The following TMEM131L variants were observed in gnomAD, a reference collection of about 807,000 sequenced individuals.
The protein encoded by TMEM131L is transmembrane 131 like.
In TMEM131L, 54 loss-of-function variants were observed where a neutral mutation model predicts 192.2. The ratio of observed to expected loss-of-function variants is 0.28; its 90% confidence interval spans 0.23 to 0.35. The LOEUF (loss-of-function observed/expected upper bound fraction) is 0.35, where lower values mean the gene tolerates loss of function less well. Ranked by LOEUF, TMEM131L falls within the 10% of genes least tolerant of loss-of-function variation. The pLI is 1.00. For missense variants in TMEM131L, 1,888 were observed against 1,972.9 expected (o/e 0.96, Z 0.82); for synonymous variants, 701 against 704.9 (o/e 0.99, Z 0.09).
At chr4:153,588,509 C>T (rs764691013) in intron 15 of TMEM131L, among the ~76,000 whole-genome samples, 4 of 150,814 alleles carry the variant, frequency 2.7e-5, no homozygotes, top group South Asian at 2.1e-4. Context: ...TGTTTTCCCT[C>T]GGCACTCTAG....
intron 3 of TMEM131L, among the ~76,000 whole-genome samples, chr4:153,529,528 A>G (rs191430551): frequency 1.5e-3 from 227 of 152,362 alleles, no homozygotes; most frequent in African/African-American, 4.7e-3. Flanking sequence ...GTGGATTGAA[A>G]GAGTTGAAAA....
At chr4:153,560,690 A>G (rs1051995170) in intron 7 of TMEM131L, among the ~76,000 whole-genome samples, 1 of 152,210 alleles carries the variant, frequency 6.6e-6, no homozygotes, top group African/African-American at 2.4e-5. Context: ...TGTGATTGGC[A>G]TCTTTCCCTT....
intron 25 of TMEM131L, among the ~76,000 whole-genome samples, chr4:153,606,463 A>G (rs10517575): frequency 0.051 from 7,725 of 152,330 alleles, 281 homozygotes; most frequent in Non-Finnish European, 0.078. Context: ...ATATAAAGGC[A>G]TGGATGAGAA....
In TMEM131L at chr4:153,626,167, G is replaced by T; in HGVS notation, c.4066G>T (p.Asp1356Tyr). Residue 1356 changes from aspartate (D) to tyrosine (Y), a missense_variant, in exon 30 of 35, where the codon GAT becomes TAT. Asp to Tyr is a radical substitution (Grantham distance 160). Coordinates refer to ENST00000409959, the MANE Select transcript of TMEM131L (RefSeq NM_001131007.2). The stretch of plus-strand genomic sequence containing the variant: ...TGCAGGAGACAGTGTTTCACAAAAT[G>T]ATTTTCCTTCTGAAGCTCCCATCTC... ...LPAGDSVSQN[D>Y]FPSEAPISLN... is the part of the protein sequence containing the mutation. 1.9e-6 allele frequency: 3 copies of T among 1,611,566 alleles called. No homozygotes were observed. Among genetic ancestry groups the T allele is most frequent in the Non-Finnish European group, 2.5e-6 (3 of 1,177,972 alleles).
Position 153,596,258 on chromosome 4 carries a change from G to C in TMEM131L, c.1996G>C (p.Gly666Arg). The change falls in exon 20 of 35, where the codon GGT becomes CGT. Residue 666 changes from glycine (G) to arginine (R), a missense_variant and splice_region_variant. Coordinates refer to ENST00000409959, the MANE Select transcript of TMEM131L (RefSeq NM_001131007.2). Reference protein sequence around the residue: ...FQLTEACPYLGTHSEESRFGI... With the variant: ...FQLTEACPYLRTHSEESRFGI... ...CATGGTTTAATTTGTTAATTTGCAG[G>C]GTACGCATTCTGAGGAATCCAGGTT... 6.2e-7 allele frequency: 1 copy of C among 1,613,538 alleles called. No homozygotes were observed. The highest frequency in any genetic ancestry group is 8.5e-7 in the Non-Finnish European group (1 of 1,179,652).
In TMEM131L at chr4:153,581,540, C is replaced by T. The variant is rs188378248; in HGVS notation, c.872C>T (p.Thr291Ile). 8.9e-6 allele frequency: 14 copies of T among 1,570,238 alleles called. No homozygotes were observed. In the African/African-American group the frequency reaches 1.2e-4, roughly 14 times the overall value. Residue 291 changes from threonine (T) to isoleucine (I), a missense_variant, in exon 9 of 35, where the codon ACA becomes ATA. Coordinates refer to ENST00000409959, the MANE Select transcript of TMEM131L (RefSeq NM_001131007.2). The part of the protein sequence containing the change: ...LDHLSIVYVA[T>I]DESETSDDSA... Reference sequence around the variant, plus strand: ...CATCTCTCTATTGTTTACGTAGCTACAGATGAATCTGAGACCTCAGGTAAG... The same window carrying T: ...CATCTCTCTATTGTTTACGTAGCTATAGATGAATCTGAGACCTCAGGTAAG...
intron 7 of TMEM131L, among the ~76,000 whole-genome samples, chr4:153,577,210 G>T (rs764143187): frequency 6.6e-6 from 1 of 152,154 alleles, no homozygotes; most frequent in Admixed American, 6.5e-5. Context: ...TGGAGCATGC[G>T]CAGGGAGGTC....
At chr4:153,602,808 G>A (rs1008923629) in intron 23 of TMEM131L, 81 bp downstream of exon 23, 11 of 1,234,798 alleles carry the variant, frequency 8.9e-6, no homozygotes, top group South Asian at 2.7e-5. Flanking sequence ...TGAACTGCCC[G>A]AGTGTAGTCA....
chr4:153,527,997 C>G (rs1455553595), intron 3 of TMEM131L, among the ~76,000 whole-genome samples: 1 of 152,164 alleles, frequency 6.6e-6, no homozygotes. Context: ...GCAGCCATAC[C>G]ATTAACTGAG....
At chr4:153,593,196 A>G (rs1347707314) in intron 18 of TMEM131L, among the ~76,000 whole-genome samples, 1 of 152,188 alleles carries the variant, frequency 6.6e-6, no homozygotes, top group Non-Finnish European at 1.5e-5. Flanking sequence ...TCACACAATC[A>G]CAGTTTTACT....
intron 9 of TMEM131L, among the ~76,000 whole-genome samples, chr4:153,582,135 TAGTA>T (rs1730377458): frequency 6.6e-6 from 1 of 152,236 alleles, no homozygotes; most frequent in Non-Finnish European, 1.5e-5. Flanking sequence ...TAGAGTATAC[TAGTA>T]TCTTTTGGTT....
chr4:153,561,690 TTC>T (rs1257184374), intron 7 of TMEM131L, among the ~76,000 whole-genome samples: 1 of 152,210 alleles, frequency 6.6e-6, no homozygotes, highest in Non-Finnish European at 1.5e-5. Flanking sequence ...TGGCTCTAGA[TTC>T]TCTCCTTCAT....
intron 3 of TMEM131L, among the ~76,000 whole-genome samples, chr4:153,497,759 T>C (rs1274976479): frequency 1.3e-5 from 2 of 152,022 alleles, no homozygotes; most frequent in Non-Finnish European, 2.9e-5. Flanking sequence ...CAAGCGTTAA[T>C]GCTTGGCTCT....
intron 2 of TMEM131L, among the ~76,000 whole-genome samples, chr4:153,469,198 A>G (rs567651255): frequency 3.9e-5 from 6 of 152,348 alleles, no homozygotes; most frequent in Non-Finnish European, 7.3e-5. Flanking sequence ...AATCAAAGCT[A>G]TAATGAAAGT....
intron 7 of TMEM131L, among the ~76,000 whole-genome samples, chr4:153,576,198 G>A (rs1479772857): frequency 3.3e-5 from 5 of 152,120 alleles, no homozygotes; most frequent in Admixed American, 3.3e-4. Flanking sequence ...CTGACCTCGT[G>A]ATCTGCCTGC....
chr4:153,507,544 T>G (rs1486192389), intron 3 of TMEM131L, among the ~76,000 whole-genome samples: 1 of 152,198 alleles, frequency 6.6e-6, no homozygotes, highest in Non-Finnish European at 1.5e-5. Context: ...ATTCTCCACA[T>G]TGTGAGTCCT....
intron 26 of TMEM131L, among the ~76,000 whole-genome samples, chr4:153,618,976 T>C (rs1733194063): frequency 6.6e-6 from 1 of 152,198 alleles, no homozygotes; most frequent in African/African-American, 2.4e-5. Flanking sequence ...GGGATATGTC[T>C]CACGCCTCTG....
intron 7 of TMEM131L, among the ~76,000 whole-genome samples, chr4:153,573,990 A>G (rs1049211059): frequency 6.6e-6 from 1 of 152,148 alleles, no homozygotes; most frequent in African/African-American, 2.4e-5. Flanking sequence ...TATGTATCTC[A>G]TTTAGCACCC....
At position 153,556,998 on chromosome 4, in the gene TMEM131L, A is replaced by G; in HGVS notation, c.465A>G (p.Arg155=). The G allele has an allele frequency of 6.2e-7, 1 of 1,601,254 alleles. No individual in the cohort carries two copies. Among genetic ancestry groups the G allele is most frequent in the Non-Finnish European group, 8.5e-7 (1 of 1,169,786 alleles). Reference sequence around the variant, plus strand: ...CAGCAATGGGGAAAACTTCCTTCAGAATTATTTTCTTACCTACTGAAGAAG... The same window carrying G: ...CAGCAATGGGGAAAACTTCCTTCAGGATTATTTTCTTACCTACTGAAGAAG... ...VIPAMGKTSF[R]IIFLPTEEGS... Residue 155 remains arginine (R), a synonymous_variant, in exon 6 of 35, where the codon AGA becomes AGG. Transcript: ENST00000409959.
Sources: gnomAD v4.1 joint callset for allele counts (sites outside exome capture counted in the v4.1 genomes callset) on GRCh38, gnomAD v4.1.1 for gene constraint, MANE v1.5 for transcripts, NCBI Gene and HGNC (gene_info 2026-07-23, HGNC 2026-07-21) for gene names.